The following SYT9 variants were observed in gnomAD, a reference collection of about 807,000 sequenced individuals.
SYT9 encodes synaptotagmin-9.
A neutral mutation model predicts 48.4 loss-of-function variants in SYT9; 22 were observed. The observed-to-expected ratio is 0.45, with a 90% CI of 0.32 to 0.65. The LOEUF (loss-of-function observed/expected upper bound fraction) is 0.65, where lower values mean the gene tolerates loss of function less well. Among genes scored for constraint, SYT9 ranks in the 30% least tolerant of loss-of-function variants. The pLI is 0.03. For synonymous variants in SYT9, 265 were observed against 245.0 expected, an observed-to-expected ratio of 1.08 and a Z score of -0.76; for missense variants, 577 against 622.0, an observed-to-expected ratio of 0.93 and a Z score of 0.77.
intron 1 of SYT9, among the ~76,000 whole-genome samples, chr11:7,267,537 C>T (rs906396316): frequency 2.0e-5 from 3 of 151,472 alleles, no homozygotes; most frequent in Admixed American, 2.0e-4. Flanking sequence ...CAGAAATGGA[C>T]ACTGAAATTA....
At chr11:7,458,811 GGTAACTGGAA>G (rs1848195497) in intron 6 of SYT9, among the ~76,000 whole-genome samples, 1 of 152,186 alleles carries the variant, frequency 6.6e-6, no homozygotes, top group Admixed American at 6.6e-5. Flanking sequence ...GCAGAGCTCA[GGTAACTGGAA>G]CCCAGTAGAG....
intron 6 of SYT9, among the ~76,000 whole-genome samples, chr11:7,446,080 C>T (rs1012111369): frequency 6.6e-6 from 1 of 152,244 alleles, no homozygotes; most frequent in African/African-American, 2.4e-5. Context: ...CAGCCCCAGG[C>T]ACAGCATCAA....
At chr11:7,331,790 A>T (rs754631606) in intron 3 of SYT9, among the ~76,000 whole-genome samples, 11 of 152,186 alleles carry the variant, frequency 7.2e-5, no homozygotes, top group Non-Finnish European at 1.5e-4. Context: ...CCCGGAATAG[A>T]TGAGATGCTT....
At chr11:7,385,830 T>C (rs893288292) in intron 3 of SYT9, among the ~76,000 whole-genome samples, 1 of 152,192 alleles carries the variant, frequency 6.6e-6, no homozygotes, top group African/African-American at 2.4e-5. Context: ...AGCAAATGTT[T>C]CTACTTTGCT....
At chr11:7,351,519 G>A (rs1257779973) in intron 3 of SYT9, among the ~76,000 whole-genome samples, 1 of 152,132 alleles carries the variant, frequency 6.6e-6, no homozygotes, top group Non-Finnish European at 1.5e-5. Flanking sequence ...CCTGCCCAGA[G>A]CCTTACCCTG....
upstream of SYT9, among the ~76,000 whole-genome samples, chr11:7,248,412 G>A (rs555947303): frequency 3.9e-5 from 6 of 152,142 alleles, no homozygotes; most frequent in Admixed American, 3.9e-4. Context: ...CTAAGCCAAT[G>A]TCTAGAAGAG....
intron 6 of SYT9, among the ~76,000 whole-genome samples, chr11:7,452,792 C>G (rs1390864365): frequency 1.3e-5 from 2 of 151,962 alleles, no homozygotes; most frequent in East Asian, 3.9e-4. Context: ...ACCCAAACTC[C>G]TTTTTATGAG....
chr11:7,330,439 G>T (rs1849507198), intron 3 of SYT9, among the ~76,000 whole-genome samples: 1 of 151,984 alleles, frequency 6.6e-6, no homozygotes, highest in Non-Finnish European at 1.5e-5. Context: ...TTGAGGGGTT[G>T]GGAGGAGGTG....
chr11:7,438,996 A>G (rs1847771276), intron 6 of SYT9: 2 of 152,176 alleles, frequency 1.3e-5, no homozygotes, highest in Admixed American at 1.3e-4. Flanking sequence ...GCTCTAAAGG[A>G]CCCAAAGGTG....
chr11:7,449,723 TGACCAGGC>T (rs1590039324), intron 6 of SYT9, among the ~76,000 whole-genome samples: 2 of 152,222 alleles, frequency 1.3e-5, no homozygotes, highest in East Asian at 3.9e-4. Flanking sequence ...GGAAGCAAGG[TGACCAGGC>T]TATCCTAGAA....
Position 7,450,218 on chromosome 11 carries a change from T to C in SYT9, c.1468-16574T>C, listed in dbSNP as rs77940191. ...CAAATAACTGGCCGAGCTATCAGAT[T>C]AAGGTAGATGGTATTATTTCTTCAT... On this transcript the variant is annotated intron_variant, in intron 6 of 6. Coordinates refer to ENST00000318881, the MANE Select transcript of SYT9 (RefSeq NM_175733.4). Among the ~76,000 whole-genome samples, 1,509 of 152,268 alleles carry C rather than the reference T, an allele frequency of 9.9e-3. 28 individuals are homozygous for C. Among genetic ancestry groups the C allele is most frequent in the African/African-American group, 0.034 (1,392 of 41,528 alleles).
At chr11:7,353,022 C>T (rs1849947218) in intron 3 of SYT9, among the ~76,000 whole-genome samples, 1 of 152,112 alleles carries the variant, frequency 6.6e-6, no homozygotes, top group South Asian at 2.1e-4. Context: ...AGTAAATATA[C>T]ATATATGGGG....
At chr11:7,389,595 C>G (rs182871944) in intron 3 of SYT9, among the ~76,000 whole-genome samples, 1 of 151,994 alleles carries the variant, frequency 6.6e-6, no homozygotes, top group East Asian at 1.9e-4. Flanking sequence ...TATGAATGTC[C>G]TACAATCTTA....
chr11:7,300,978 G>A (rs183289209), intron 1 of SYT9, among the ~76,000 whole-genome samples: 11 of 152,218 alleles, frequency 7.2e-5, no homozygotes, highest in Admixed American at 7.2e-4. Flanking sequence ...CTGTTGCTCT[G>A]CACCTGGGAT....
At chr11:7,442,972 G>A (rs927006570) in intron 6 of SYT9, among the ~76,000 whole-genome samples, 2 of 152,156 alleles carry the variant, frequency 1.3e-5, no homozygotes, top group Non-Finnish European at 2.9e-5. Context: ...GAAAATGAGA[G>A]AGAGGGAGAA....
intron 3 of SYT9, among the ~76,000 whole-genome samples, chr11:7,371,615 A>G (rs1850364586): frequency 6.6e-6 from 1 of 152,184 alleles, no homozygotes; most frequent in African/African-American, 2.4e-5. Context: ...CATCTAAAAC[A>G]AGGCCACCAT....
intron 1 of SYT9, among the ~76,000 whole-genome samples, chr11:7,276,597 C>A (rs1368525512): frequency 7.2e-5 from 11 of 152,228 alleles, no homozygotes; most frequent in African/African-American, 2.7e-4. Flanking sequence ...TGCCTCCATT[C>A]TTAAGCTGTC....
intron 1 of SYT9, among the ~76,000 whole-genome samples, chr11:7,270,552 T>A (rs1442518113): frequency 1.3e-5 from 2 of 152,132 alleles, no homozygotes; most frequent in African/African-American, 4.8e-5. Flanking sequence ...ATGTTTTTAG[T>A]GGTTATTATA....
intron 3 of SYT9, among the ~76,000 whole-genome samples, chr11:7,376,662 G>T (rs538937662): frequency 7.2e-5 from 11 of 152,014 alleles, no homozygotes; most frequent in African/African-American, 7.2e-5. Context: ...TTCTAGAAAG[G>T]CCTGTTAGTC....
Sources: allele counts gnomAD v4.1 joint callset (sites outside exome capture counted in the v4.1 genomes callset), GRCh38; gene constraint gnomAD v4.1.1; transcripts MANE v1.5; gene names NCBI Gene and HGNC (gene_info 2026-07-23, HGNC 2026-07-21).